MAK16: variants seen among roughly 807,000 people sequenced by gnomAD.
MAK16 encodes the protein MAK16 homolog, also known as protein MAK16 homolog.
A neutral mutation model predicts 49.9 loss-of-function variants in MAK16; 12 were observed. The ratio of observed to expected loss-of-function variants is 0.24; its 90% CI spans 0.15 to 0.39. MAK16 has a LOEUF of 0.39. Among genes scored for constraint, MAK16 ranks in the 10% least tolerant of loss-of-function variants. The probability of loss-of-function intolerance (pLI) is 1.00; values close to 1 mark genes in which losing one functional copy is unlikely to be tolerated. For missense variants in MAK16, 292 were observed against 363.7 expected (o/e 0.80, Z 1.60); for synonymous variants, 115 against 126.4 (o/e 0.91, Z 0.60).
At chr8:33,491,042 T>C (rs1024709394) in intron 6 of MAK16, among the ~76,000 whole-genome samples, 18 of 152,242 alleles carry the variant, frequency 1.2e-4, no homozygotes, top group African/African-American at 4.3e-4. Context: ...AGTGTTTGCC[T>C]TTCTGTGCCT....
At position 33,485,234 on chromosome 8, in the gene MAK16, C is replaced by T. The variant is rs776090031; in HGVS notation, c.15+13C>T. On this transcript the variant is annotated intron_variant, in intron 1 of 9. Coordinates refer to ENST00000360128, the MANE Select transcript of MAK16 (RefSeq NM_032509.4). ...GCAGTCGGATGATGTGAGTCTCCTC[C>T]GGTTGTTCTTACACCCGGGGTTTGC... The T allele has an allele frequency of 1.1e-5, 17 of 1,614,076 alleles. No homozygotes were observed. Among genetic ancestry groups the T allele is most frequent in the Non-Finnish European group, 1.4e-5 (17 of 1,180,044 alleles).
At chr8:33,495,112 G>A (rs997645266) in intron 6 of MAK16, among the ~76,000 whole-genome samples, 1 of 152,346 alleles carries the variant, frequency 6.6e-6, no homozygotes, top group Admixed American at 6.5e-5. Flanking sequence ...AGAGATCACT[G>A]GAGGAAGAGA....
In MAK16 at chr8:33,488,978, T is replaced by G; in HGVS notation, c.241-10T>G. The G allele has an allele frequency of 6.2e-7, 1 of 1,614,048 alleles. No individual in the cohort carries two copies. Among genetic ancestry groups the G allele is most frequent in the Middle Eastern group, 1.6e-4 (1 of 6,062 alleles). ...ACTTGCCCTTCAAACTTCCTGTTTCTGTTTGGTAGGTCCGGCTTAGTAAAA... is the reference window on the plus strand; with the variant it reads ...ACTTGCCCTTCAAACTTCCTGTTTCGGTTTGGTAGGTCCGGCTTAGTAAAA... On this transcript the variant is annotated splice_polypyrimidine_tract_variant and intron_variant, in intron 4 of 9. Coordinates refer to ENST00000360128, the MANE Select transcript of MAK16 (RefSeq NM_032509.4).
At chr8:33,494,028 A>G (rs1808817376) in intron 6 of MAK16, among the ~76,000 whole-genome samples, 1 of 152,212 alleles carries the variant, frequency 6.6e-6, no homozygotes, top group Non-Finnish European at 1.5e-5. Context: ...ACTGGGTTAC[A>G]TAAAAAGATT....
At chr8:33,494,577 G>C (rs1255619759) in intron 6 of MAK16, among the ~76,000 whole-genome samples, 1 of 152,154 alleles carries the variant, frequency 6.6e-6, no homozygotes, top group Non-Finnish European at 1.5e-5. Flanking sequence ...GAGATATCTG[G>C]CTCACTGTAT....
intron 6 of MAK16, among the ~76,000 whole-genome samples, chr8:33,491,392 C>T (rs1393299660): frequency 1.3e-5 from 2 of 152,134 alleles, no homozygotes; most frequent in African/African-American, 4.8e-5. Context: ...TTTACATTCC[C>T]ACCACCAGTG....
Position 33,499,305 on chromosome 8 carries a change from A to ATT in MAK16, c.*677_*678insTT, listed in dbSNP as rs552214933. ...GAAACATGAAACCAAACAGGCTTTGATATTTTTTTTTTTTTAATTACTTTC... is the reference window on the plus strand; with the variant it reads ...GAAACATGAAACCAAACAGGCTTTGATTTATTTTTTTTTTTTTAATTACTTTC... On this transcript the variant is annotated 3_prime_UTR_variant, in exon 10 of 10. Transcript: ENST00000360128. 83 of 1,500,928 alleles carry ATT rather than the reference A, an allele frequency of 5.5e-5. No homozygotes were observed. In the African/African-American group the frequency reaches 1.0e-3, roughly 19 times the overall value. 93.0% of individuals were successfully genotyped at this position (1,500,928 alleles called of 1,614,324 possible).
rs775532083 is a variant in MAK16, at chr8:33,488,823, TG to T, written c.240+26del. On this transcript the variant is annotated intron_variant, in intron 4 of 9. Coordinates refer to ENST00000360128, the MANE Select transcript of MAK16 (RefSeq NM_032509.4). The stretch of plus-strand genomic sequence containing the variant: ...GGTAAGCCTTACAACAAAACTACAG[TG>T]ACCGCTGATCAAGAGCATCAAAGCC... The T allele has an allele frequency of 2.7e-5, 44 of 1,613,174 alleles. No individual in the cohort carries two copies. In the African/African-American group the frequency reaches 5.1e-4, roughly 19 times the overall value.
At chr8:33,493,642 G>C (rs1442004658) in intron 6 of MAK16, among the ~76,000 whole-genome samples, 2 of 152,090 alleles carry the variant, frequency 1.3e-5, no homozygotes, top group African/African-American at 4.8e-5. Context: ...ATTAGTTATG[G>C]AGCGGCTTTT....
chr8:33,500,693 T>C lies in MAK16; in HGVS notation c.*2064T>C, dbSNP rs1809043861. 3.6e-6 allele frequency: 2 copies of C among 562,976 alleles called. No individual in the cohort carries two copies. Among genetic ancestry groups the C allele is most frequent in the Non-Finnish European group, 3.1e-6 (1 of 321,398 alleles). 34.9% of individuals were successfully genotyped at this position (562,976 alleles called of 1,614,324 possible). A position where few individuals can be genotyped will look rare whatever the true frequency, so the allele number is the denominator to read the frequency against. The stretch of plus-strand genomic sequence containing the variant: ...AAGTCTCCTGTTAGCATACTGCCTA[T>C]ACACACAGACACACCCTCTGCCACA... On this transcript the variant is annotated 3_prime_UTR_variant, in exon 10 of 10. Transcript: ENST00000360128.
chr8:33,486,992 C>T (rs924413032), intron 1 of MAK16, among the ~76,000 whole-genome samples: 4 of 152,180 alleles, frequency 2.6e-5, no homozygotes, highest in African/African-American at 9.7e-5. Flanking sequence ...CTGTTTCCTA[C>T]CATCCCCCAC....
intron 1 of MAK16, among the ~76,000 whole-genome samples, chr8:33,487,579 C>T (rs1808708331): frequency 6.6e-6 from 1 of 151,966 alleles, no homozygotes; most frequent in East Asian, 1.9e-4. Context: ...GCACCTGCCA[C>T]CACACCTGGC....
At chr8:33,490,586 G>A (rs2732275) in intron 6 of MAK16, among the ~76,000 whole-genome samples, 85,839 of 151,994 alleles carry the variant, frequency 0.56, 24,629 homozygotes, top group Non-Finnish European at 0.61. Context: ...TCCTTTTTCT[G>A]AATTTCTTGT....
chr8:33,495,685 ATTTTTTTTTTTTTTTTTTTTTTTTTTTTT>A lies in MAK16; in HGVS notation c.522+90_522+118del, dbSNP rs67539521. 240 of 231,116 alleles carry A rather than the reference ATTTTTTTTTTTTTTTTTTTTTTTTTTTTT, an allele frequency of 1.0e-3. 1 individual carries two copies. Among genetic ancestry groups the A allele is most frequent in the African/African-American group, 2.3e-3 (47 of 20,374 alleles). The allele number at this position is 231,116 out of a possible 1,614,324, so 14.3% of individuals were successfully genotyped here. A position where few individuals can be genotyped will look rare whatever the true frequency, so the allele number is the denominator to read the frequency against. ...AGTATGTTGCTAAGACATATTGGGA[ATTTTTTTTTTTTTTTTTTTTTTTTTTTTT>A]TTTTTTTTTTTTTTTTTTTTGAGAT... On this transcript the variant is annotated intron_variant, in intron 7 of 9. Coordinates refer to ENST00000360128, the MANE Select transcript of MAK16 (RefSeq NM_032509.4).
intron 6 of MAK16, among the ~76,000 whole-genome samples, chr8:33,491,064 C>CT (rs1365731076): frequency 1.3e-5 from 2 of 152,212 alleles, no homozygotes; most frequent in African/African-American, 4.8e-5. Context: ...GCTTCTTTCA[C>CT]TTAACATAAT....
chr8:33,486,380 C>G (rs920531475), intron 1 of MAK16, among the ~76,000 whole-genome samples: 48 of 152,144 alleles, frequency 3.2e-4, no homozygotes, highest in African/African-American at 1.1e-3. Context: ...AAGTGAGACT[C>G]CATCTCTACA....
rs762091934 is a variant in MAK16 at position 33,497,272 on chromosome 8, A to G, written c.680A>G (p.Asp227Gly). Residue 227 changes from aspartate to glycine, a missense_variant, in exon 9 of 10, where the codon GAT becomes GGT. By Grantham distance (94) the Asp-to-Gly change is moderately conservative (BLOSUM62 -1). Coordinates refer to ENST00000360128, the MANE Select transcript of MAK16 (RefSeq NM_032509.4). ...GAATTTGTCGAAGATGGTGAGGTAGATGAGAGTGACATAAGTGATTTTGAG... is the reference window on the plus strand; with the variant it reads ...GAATTTGTCGAAGATGGTGAGGTAGGTGAGAGTGACATAAGTGATTTTGAG... ...KREFVEDGEV[D>G]ESDISDFEDM... The G allele has an allele frequency of 1.1e-5, 18 of 1,599,828 alleles. No homozygotes were observed. Among genetic ancestry groups the G allele is most frequent in the Non-Finnish European group, 1.5e-5 (17 of 1,171,572 alleles).
Position 33,500,443 on chromosome 8 carries a change from AT to A in MAK16, c.*1815del, listed in dbSNP as rs1305085050. 1 of 1,614,090 alleles carries A rather than the reference AT, an allele frequency of 6.2e-7. No individual in the cohort carries two copies. Among genetic ancestry groups the A allele is most frequent in the East Asian group, 2.2e-5 (1 of 44,882 alleles). Reference sequence around the variant, plus strand: ...GTTTGGATCCCTTGCTACATCACAAATCAGTTTCAAGAGGGCCTTCAGTAAG... The same window carrying A: ...GTTTGGATCCCTTGCTACATCACAAACAGTTTCAAGAGGGCCTTCAGTAAG... On this transcript the variant is annotated 3_prime_UTR_variant, in exon 10 of 10. Coordinates refer to ENST00000360128, the MANE Select transcript of MAK16 (RefSeq NM_032509.4).
At chr8:33,488,665 C>T (rs1563345891) in intron 3 of MAK16, 36 bp downstream of exon 3, 1 of 1,611,186 alleles carries the variant, frequency 6.2e-7, no homozygotes, top group Non-Finnish European at 8.5e-7. Flanking sequence ...AAGAACTGCT[C>T]CACAGCTTTT....
Sources: gnomAD v4.1 joint callset for allele counts (sites outside exome capture counted in the v4.1 genomes callset) on GRCh38, gnomAD v4.1.1 for gene constraint, MANE v1.5 for transcripts, NCBI Gene and HGNC (gene_info 2026-07-23, HGNC 2026-07-21) for gene names.